The following RAD52 variants were observed in gnomAD, a reference collection of about 807,000 sequenced individuals.
RAD52 encodes the protein RAD52 DNA repair protein, also known as DNA repair protein RAD52 homolog.
Under a neutral mutation model 55.5 loss-of-function variants are expected in RAD52, and 47 were observed. The observed-to-expected ratio is 0.85, with a 90% CI of 0.67 to 1.08. RAD52 has a LOEUF of 1.08. RAD52 is among the 50% of genes least tolerant of loss of function. RAD52 has a pLI of 0.00. For synonymous variants in RAD52, 184 were observed against 198.9 expected (o/e 0.92, Z 0.63); for missense variants, 468 against 522.8 (o/e 0.90, Z 1.02).
At position 928,614 on chromosome 12, in the gene RAD52, T is replaced by C. The variant is rs533273506; in HGVS notation, c.348+1205A>G. On this transcript the variant is annotated intron_variant, in intron 5 of 11. Transcript: ENST00000358495. ...CAGCACCATCCATCTCATTAAGATA[T>C]ACATTTTCCATAAATTTTATATTTT... Among the ~76,000 whole-genome samples, 3 of 152,238 alleles carry C rather than the reference T, an allele frequency of 2.0e-5. No individual in the cohort carries two copies. In the South Asian group the frequency reaches 6.2e-4, roughly 32 times the overall value.
intron 1 of RAD52, among the ~76,000 whole-genome samples, chr12:985,136 G>A (rs1190177273): frequency 6.6e-6 from 1 of 152,150 alleles, no homozygotes; most frequent in Admixed American, 6.5e-5. Context: ...TTTTGATGAA[G>A]TCCAATTAAT....
At chr12:931,410 T>TAA in intron 2 of RAD52, 89 bp from the exon 3 acceptor site, 1 of 950,556 alleles carries the variant, frequency 1.1e-6, no homozygotes, top group Non-Finnish European at 1.5e-6. Context: ...TTTATACTCT[T>TAA]AAAAAGACCC....
intron 7 of RAD52, among the ~76,000 whole-genome samples, chr12:917,750 G>A (rs1483290487): frequency 3.1e-5 from 4 of 130,148 alleles, no homozygotes; most frequent in Admixed American, 8.6e-5. Context: ...CTGAGTAACA[G>A]CCTGTCTCTA....
In RAD52 at chr12:981,771, T is replaced by TAAAATAAAATA. The variant is rs148282544; in HGVS notation, c.-19+8037_-19+8038insTATTTTATTTT. On this transcript the variant is annotated intron_variant, in intron 1 of 11. Coordinates refer to the RAD52 transcript ENST00000430095. The stretch of plus-strand genomic sequence containing the variant: ...GTGAGACTCTGTCTCAATAAATAAA[T>TAAAATAAAATA]AAATAAAATAAAATAAAATAAAATA... 6.9e-3 allele frequency among the ~76,000 whole-genome samples: 967 copies of TAAAATAAAATA among 139,672 alleles called. 15 individuals carry two copies. Among genetic ancestry groups the TAAAATAAAATA allele is most frequent in the African/African-American group, 0.024 (929 of 38,052 alleles). The allele number at this position is 139,672 out of a possible 152,430, so 91.6% of individuals were successfully genotyped here. A position where few individuals can be genotyped will look rare whatever the true frequency, so the allele number is the denominator to read the frequency against.
chr12:981,136 C>T (rs1959009076), intron 1 of RAD52, among the ~76,000 whole-genome samples: 1 of 151,524 alleles, frequency 6.6e-6, no homozygotes, highest in Non-Finnish European at 1.5e-5. Context: ...TCAAGACCAG[C>T]CTGGGCAACA....
intron 1 of RAD52, among the ~76,000 whole-genome samples, chr12:985,393 T>C (rs1959073091): frequency 6.6e-6 from 1 of 152,006 alleles, no homozygotes; most frequent in South Asian, 2.1e-4. Flanking sequence ...CCCTCCTGCC[T>C]TGGCCCCACC....
chr12:914,824 C>T (rs1044546701), intron 9 of RAD52, among the ~76,000 whole-genome samples: 8 of 3,100 alleles, frequency 2.6e-3, no homozygotes, highest in South Asian at 0.17. Context: ...GTGTCTGGCT[C>T]GCTTGTTAAC....
chr12:913,852 G>C, intron 11 of RAD52, 42 bp downstream of exon 11: 1 of 1,538,824 alleles, frequency 6.5e-7, no homozygotes, highest in Middle Eastern at 1.7e-4. Context: ...ATTAAAGCTA[G>C]GATCTCCCCT....
chr12:953,098 A>G (rs1379282287), upstream of RAD52, among the ~76,000 whole-genome samples: 1 of 145,228 alleles, frequency 6.9e-6, no homozygotes, highest in Non-Finnish European at 1.5e-5. Flanking sequence ...TGAGGTCAGG[A>G]GTTTGAGACC....
At chr12:921,595 G>T (rs1956728679) in intron 7 of RAD52, among the ~76,000 whole-genome samples, 1 of 152,094 alleles carries the variant, frequency 6.6e-6, no homozygotes, top group African/African-American at 2.4e-5. Flanking sequence ...CTGCGTGGGA[G>T]GATCACTCAA....
intron 7 of RAD52, among the ~76,000 whole-genome samples, chr12:920,339 G>A (rs1956651143): frequency 8.5e-6 from 1 of 117,780 alleles, no homozygotes; most frequent in Admixed American, 8.3e-5. Flanking sequence ...GGCAGATCAC[G>A]AGGTCAGGAT....
At chr12:925,059 T>TC (rs1490553800) in intron 7 of RAD52, among the ~76,000 whole-genome samples, 1 of 151,042 alleles carries the variant, frequency 6.6e-6, no homozygotes, top group East Asian at 2.0e-4. Context: ...CACGCCATTC[T>TC]CCTGCCTCAG....
At chr12:952,275 T>A (rs4765840), upstream of RAD52, among the ~76,000 whole-genome samples, 114,976 of 151,942 alleles carry the variant, frequency 0.76, 43,918 homozygotes, top group South Asian at 0.84. Flanking sequence ...ATTAAAAAAA[T>A]TTTTTTTAGA....
intron 1 of RAD52, among the ~76,000 whole-genome samples, chr12:980,295 CTTTT>C (rs1051155058): frequency 7.2e-6 from 1 of 139,648 alleles, no homozygotes. Context: ...GTTGTCTTTC[CTTTT>C]TTTTTTTTTT....
In RAD52 at chr12:913,427, G is replaced by A; in HGVS notation, c.1221C>T (p.Ser407=). Residue 407 remains serine, a synonymous_variant, in exon 12 of 12, where the codon AGC becomes AGT. Transcript: ENST00000358495. ...CATATTTCCTTTTCTTCATGTCCTG[G>A]CTCTTCCTATGAGATTCCCAGTTTC... The part of the protein sequence containing the change: ...TTGNWESHRK[S]QDMKKRKYDP... The A allele has an allele frequency of 6.2e-7, 1 of 1,607,736 alleles. No individual in the cohort carries two copies.
intron 1 of RAD52, among the ~76,000 whole-genome samples, chr12:962,351 T>TA (rs1489098570): frequency 1.3e-5 from 2 of 151,416 alleles, no homozygotes; most frequent in Admixed American, 1.3e-4. Context: ...TCCTTTTTTT[T>TA]TTTTTTTGAG....
chr12:965,966 G>C (rs1454519041), intron 1 of RAD52, among the ~76,000 whole-genome samples: 2 of 151,938 alleles, frequency 1.3e-5, no homozygotes, highest in East Asian at 3.9e-4. Flanking sequence ...TTACAGGCAT[G>C]AACCACTGTG....
intron 1 of RAD52, chr12:974,242 C>T (rs1487041150): frequency 6.6e-6 from 1 of 152,166 alleles, no homozygotes; most frequent in African/African-American, 2.4e-5. Flanking sequence ...GCCTGTGCCA[C>T]ATCAGTGTGC....
intron 6 of RAD52, among the ~76,000 whole-genome samples, chr12:926,080 C>CG (rs985035711): frequency 7.2e-5 from 11 of 152,066 alleles, no homozygotes; most frequent in Admixed American, 2.0e-4. Context: ...CCTCCAATGC[C>CG]GGGGGGTGCG....
Sources: allele counts gnomAD v4.1 joint callset (sites outside exome capture counted in the v4.1 genomes callset), GRCh38; gene constraint gnomAD v4.1.1; transcripts MANE v1.5; gene names NCBI Gene and HGNC (gene_info 2026-07-23, HGNC 2026-07-21).